Variants in LRRC27 observed in about 807,000 individuals in gnomAD.
LRRC27 encodes leucine-rich repeat-containing protein 27.
Under a neutral mutation model 55.0 loss-of-function variants are expected in LRRC27, and 57 were observed. The observed-to-expected ratio is 1.04, with a 90% confidence interval of 0.84 to 1.29. The LOEUF (loss-of-function observed/expected upper bound fraction) is 1.29. Ranked by LOEUF, LRRC27 falls within the 50% of genes most tolerant of loss-of-function variation. The pLI is 0.00. For missense variants in LRRC27, 721 were observed against 651.5 expected (o/e 1.11, Z -1.16); for synonymous variants, 278 against 251.9 (o/e 1.10, Z -0.98).
At chr10:132,364,408 C>CACGCCCACACTT (rs2068837046) in intron 9 of LRRC27, among the ~76,000 whole-genome samples, 10 of 149,592 alleles carry the variant, frequency 6.7e-5, no homozygotes, top group South Asian at 2.1e-4. Context: ...CATCTACCTC[C>CACGCCCACACTT]ACACCCGCGC....
intron 9 of LRRC27, among the ~76,000 whole-genome samples, chr10:132,364,796 A>AGT (rs2068960959): frequency 3.6e-5 from 4 of 112,250 alleles, no homozygotes. Context: ...CCACACTCAC[A>AGT]CCCACCCACA....
chr10:132,331,356 A>G, upstream of LRRC27: 1 of 1,429,944 alleles, frequency 7.0e-7, no homozygotes. Flanking sequence ...GTTCCACAGG[A>G]CCACGCGAGC....
At position 132,380,980 on chromosome 10, in the gene LRRC27, G is replaced by T. The variant is rs1327612066; in HGVS notation, c.*5738G>T. ...GAAATACCTTTTTATCTTGTATTGG[G>T]AATGCAGCTTTTATGTGGGTATAGG... On this transcript the variant is annotated 3_prime_UTR_variant, in exon 11 of 11. Coordinates refer to ENST00000368614, the MANE Select transcript of LRRC27 (RefSeq NM_030626.3). Among the ~76,000 whole-genome samples the T allele has an allele frequency of 6.6e-6, 1 of 152,236 alleles. No individual in the cohort carries two copies. Among genetic ancestry groups the T allele is most frequent in the African/African-American group, 2.4e-5 (1 of 41,460 alleles).
At chr10:132,352,566 G>A (rs1362263982) in intron 7 of LRRC27, among the ~76,000 whole-genome samples, 38 of 71,864 alleles carry the variant, frequency 5.3e-4, no homozygotes, top group African/African-American at 1.8e-3. Flanking sequence ...TGTGGGGCAG[G>A]CGCTGAGGCC....
chr10:132,361,304 G>A (rs117995643), intron 8 of LRRC27, among the ~76,000 whole-genome samples, 153 bp from the exon 9 acceptor site: 1 of 152,260 alleles, frequency 6.6e-6, no homozygotes, highest in Non-Finnish European at 1.5e-5. Context: ...GACCTGGGGG[G>A]ATGACTGCGT....
chr10:132,331,684 C>A (rs767116100), upstream of LRRC27: 6 of 1,612,756 alleles, frequency 3.7e-6, no homozygotes, highest in Non-Finnish European at 4.2e-6. Context: ...CGGCTGTCCT[C>A]GAGCAGCCCC....
chr10:132,359,323 T>G (rs77033506), intron 8 of LRRC27, among the ~76,000 whole-genome samples: 7,983 of 152,226 alleles, frequency 0.052, 323 homozygotes, highest in Non-Finnish European at 0.08. Context: ...TACACAGAAG[T>G]GTATCTGTGT....
chr10:132,361,311 G>A (rs2068603824), intron 8 of LRRC27, 146 bp from the exon 9 acceptor site: 4 of 726,044 alleles, frequency 5.5e-6, no homozygotes, highest in Non-Finnish European at 2.5e-6. Context: ...GGGGATGACT[G>A]CGTTGCACAG....
At chr10:132,352,478 G>T (rs1355579198) in intron 7 of LRRC27, among the ~76,000 whole-genome samples, 6 of 81,472 alleles carry the variant, frequency 7.4e-5, no homozygotes, top group Admixed American at 1.1e-4. Context: ...AGGCCTCCGT[G>T]TGGGGCAGGC....
rs925509589 is a variant in LRRC27, at chr10:132,367,194, A to G, written c.1416+1644A>G. ...ATCCCTTGAAAGACAACATCTGCCA[A>G]AACTTACAGAAGAAATGAATATGCT... On this transcript the variant is annotated intron_variant, in intron 10 of 10. Transcript: ENST00000368614. 5.9e-5 allele frequency among the ~76,000 whole-genome samples: 9 copies of G among 152,358 alleles called. No individual in the cohort carries two copies. In the South Asian group the frequency reaches 6.2e-4, roughly 11 times the overall value.
chr10:132,355,616 G>C (rs1282493431), intron 7 of LRRC27, among the ~76,000 whole-genome samples, 174 bp from the exon 8 acceptor site: 1 of 152,238 alleles, frequency 6.6e-6, no homozygotes, highest in East Asian at 1.9e-4. Context: ...GCTCTGCCCA[G>C]ATGTGCCGGG....
At chr10:132,364,713 A>T (rs547913244) in intron 9 of LRRC27, among the ~76,000 whole-genome samples, 192 of 3,060 alleles carry the variant, frequency 0.063, 21 homozygotes, top group Non-Finnish European at 0.063. Context: ...CCCCACACTC[A>T]TGCAGTCCGC....
intron 8 of LRRC27, among the ~76,000 whole-genome samples, chr10:132,357,794 C>T (rs2068373276): frequency 6.6e-6 from 1 of 152,238 alleles, no homozygotes; most frequent in Non-Finnish European, 1.5e-5. Flanking sequence ...GCAGTTCAGT[C>T]AGCGAGTATT....
At chr10:132,356,839 A>G (rs1179268451) in intron 8 of LRRC27, among the ~76,000 whole-genome samples, 1 of 152,254 alleles carries the variant, frequency 6.6e-6, no homozygotes. Context: ...GAGCATAGTC[A>G]GGCAAATGTG....
Position 132,333,492 on chromosome 10 carries a change from G to A in LRRC27, c.-33G>A, listed in dbSNP as rs2066937563. 2 of 1,538,482 alleles carry A rather than the reference G, an allele frequency of 1.3e-6. No homozygotes were observed. Among genetic ancestry groups the A allele is most frequent in the Non-Finnish European group, 1.8e-6 (2 of 1,138,434 alleles). ...GTGTCTCCAGGTGACTCCAGACCAA[G>A]GAGGATGAGCTGCTGTCCCTGGAAG... On this transcript the variant is annotated 5_prime_UTR_variant, in exon 2 of 11. Transcript: ENST00000368614.
intron 9 of LRRC27, 108 bp from the exon 10 acceptor site, chr10:132,365,316 G>A (rs960146460): frequency 1.3e-6 from 2 of 1,484,210 alleles, no homozygotes; most frequent in Non-Finnish European, 1.9e-6. Flanking sequence ...CAGGACCGCT[G>A]TTTGGTCTGG....
At chr10:132,331,799 C>T (rs769064178), upstream of LRRC27, 2 of 1,598,982 alleles carry the variant, frequency 1.3e-6, no homozygotes, top group South Asian at 1.1e-5. Context: ...GCGGTCTCTA[C>T]TTGCCCGTCG....
intron 10 of LRRC27, among the ~76,000 whole-genome samples, chr10:132,370,512 C>T (rs1056660967): frequency 3.3e-5 from 5 of 152,176 alleles, no homozygotes; most frequent in Admixed American, 3.3e-4. Context: ...GCTGATCCTG[C>T]CCTAGAGGAG....
At chr10:132,338,794 C>CT (rs1435754832) in intron 3 of LRRC27, among the ~76,000 whole-genome samples, 1 of 150,762 alleles carries the variant, frequency 6.6e-6, no homozygotes, top group African/African-American at 2.4e-5. Context: ...ACTGCAACCT[C>CT]TACCTCCTGG....
Sources: gnomAD v4.1 joint callset for allele counts (sites outside exome capture counted in the v4.1 genomes callset) on GRCh38, gnomAD v4.1.1 for gene constraint, MANE v1.5 for transcripts, NCBI Gene and HGNC (gene_info 2026-07-23, HGNC 2026-07-21) for gene names.